MON1B: variants seen among roughly 807,000 people sequenced by gnomAD.
MON1B encodes vacuolar fusion protein MON1 homolog B.
Under a neutral mutation model 45.1 loss-of-function variants are expected in MON1B, and 26 were observed. That is an observed-to-expected ratio of 0.58 (90% CI 0.42 to 0.80). The LOEUF (loss-of-function observed/expected upper bound fraction) is 0.80. Among genes scored for constraint, MON1B ranks in the 30% least tolerant of loss-of-function variants. The probability of loss-of-function intolerance (pLI) is 0.00; values close to 1 mark genes in which losing one functional copy is unlikely to be tolerated. For missense variants in MON1B, 737 were observed against 754.5 expected (o/e 0.98, Z 0.27); for synonymous variants, 395 against 320.2 (o/e 1.23, Z -2.49).
In MON1B at chr16:77,194,440, A is replaced by G; in HGVS notation, c.581A>G (p.His194Arg). 1.2e-6 allele frequency: 2 copies of G among 1,614,034 alleles called. No individual in the cohort carries two copies. Among genetic ancestry groups the G allele is most frequent in the Non-Finnish European group, 1.7e-6 (2 of 1,180,004 alleles). Residue 194 changes from histidine to arginine, a missense_variant, in exon 4 of 6, where the codon CAC becomes CGC. His to Arg is a conservative substitution (Grantham distance 29). Transcript: ENST00000248248. The surrounding 1 kb of genome is among the most constrained non-coding windows in gnomAD (Gnocchi z 8.1). ...CTGCGGGGGGAGCTGCTAGCTGTGC[A>G]CGCACAGATCGTGAGCACACTTACA... ...AQLRGELLAV[H>R]AQIVSTLTRA...
At position 77,195,608 on chromosome 16, in the gene MON1B, G is replaced by C; in HGVS notation, c.1369G>C (p.Ala457Pro). ...RLSDLYHRLH[A>P]RLHSTSRPLR... ...GTCGGACCTGTACCACCGCCTGCAT[G>C]CTCGTCTCCACAGCACCTCCCGACC... The change falls in exon 5 of 6, where the codon GCT becomes CCT. Residue 457 changes from alanine (A) to proline (P), a missense_variant. Ala to Pro is a conservative substitution (Grantham distance 27). Transcript: ENST00000248248. 6.2e-7 allele frequency: 1 copy of C among 1,614,166 alleles called. No homozygotes were observed. The highest frequency in any genetic ancestry group is 8.5e-7 in the Non-Finnish European group (1 of 1,180,020).
intron 2 of MON1B, among the ~76,000 whole-genome samples, chr16:77,192,996 G>T (rs1426460009): frequency 6.6e-6 from 1 of 152,106 alleles, no homozygotes; most frequent in Non-Finnish European, 1.5e-5. Context: ...GGGGGTTGGG[G>T]CATTCAAACA....
chr16:77,201,114 C>G lies in MON1B; in HGVS notation c.*2806C>G, dbSNP rs1043597883. 1.3e-5 allele frequency: 2 copies of G among 152,162 alleles called. No individual in the cohort carries two copies. The highest frequency in any genetic ancestry group is 2.9e-5 in the Non-Finnish European group (2 of 68,034). 9.4% of individuals were successfully genotyped at this position (152,162 alleles called of 1,614,324 possible). A position where few individuals can be genotyped will look rare whatever the true frequency, so the allele number is the denominator to read the frequency against. On this transcript the variant is annotated 3_prime_UTR_variant, in exon 6 of 6. Transcript: ENST00000248248. ...AGACTGTTTACCTCTCGCTCCCCTG[C>G]ACCTAAAACAATGCCTGCTTGGTGT... is the stretch of plus-strand genomic sequence containing the variant.
Position 77,198,213 on chromosome 16 carries a change from G to A in MON1B, c.1549G>A (p.Asp517Asn), listed in dbSNP as rs1383447879. The A allele has an allele frequency of 1.2e-6, 2 of 1,613,980 alleles. No individual in the cohort carries two copies. The highest frequency in any genetic ancestry group is 1.1e-5 in the South Asian group (1 of 91,082). Residue 517 changes from aspartate (D) to asparagine (N), a missense_variant, in exon 6 of 6, where the codon GAC (aspartate) becomes AAC (asparagine). By Grantham distance (23) the Asp-to-Asn change is conservative (BLOSUM62 1). Transcript: ENST00000248248. ...CCTGCGCTGGGTGAAGAAAGAGGAGGACCGGCTCTTCATTCGTTACCCACC... is the reference window on the plus strand; with the variant it reads ...CCTGCGCTGGGTGAAGAAAGAGGAGAACCGGCTCTTCATTCGTTACCCACC... ...KLLRWVKKEE[D>N]RLFIRYPPKY... is the part of the protein sequence containing the mutation.
rs2054630135 is a variant in MON1B, at chr16:77,193,079, G to A, written c.149-372G>A. Among the ~76,000 whole-genome samples, 1 of 152,064 alleles carries A rather than the reference G, an allele frequency of 6.6e-6. No homozygotes were observed. Among genetic ancestry groups the A allele is most frequent in the South Asian group, 2.1e-4 (1 of 4,834 alleles). On this transcript the variant is annotated intron_variant, in intron 2 of 5. Coordinates refer to ENST00000248248, the MANE Select transcript of MON1B (RefSeq NM_014940.4). This position sits in a 1 kb window ranked among gnomAD's most constrained non-coding sequence, Gnocchi z 5.0. ...TCAGGAGAAAAAATAGCGGTCAGAG[G>A]AGTTAATGGGGGATCATTGAAGATG...
At position 77,194,391 on chromosome 16, in the gene MON1B, C is replaced by T. The variant is rs199760468; in HGVS notation, c.532C>T (p.Arg178Trp). 6.2e-6 allele frequency: 10 copies of T among 1,612,726 alleles called. No individual in the cohort carries two copies. The highest frequency in any genetic ancestry group is 2.2e-5 in the South Asian group (2 of 91,084). Reference protein sequence around the residue: ...QGPLLLVAMSRTSQSAAQLRG... With the variant: ...QGPLLLVAMSWTSQSAAQLRG... Reference sequence around the variant, plus strand: ...CCCACTGTTGCTCGTGGCCATGTCACGGACTTCTCAGTCAGCAGCCCAGCT... The same window carrying T: ...CCCACTGTTGCTCGTGGCCATGTCATGGACTTCTCAGTCAGCAGCCCAGCT... The change falls in exon 4 of 6, where the codon CGG becomes TGG. Residue 178 changes from arginine to tryptophan, a missense_variant. By Grantham distance (101) the Arg-to-Trp change is moderately radical (BLOSUM62 -3). Coordinates refer to ENST00000248248, the MANE Select transcript of MON1B (RefSeq NM_014940.4). The surrounding 1 kb of genome is among the most constrained non-coding windows in gnomAD (Gnocchi z 8.1).
chr16:77,195,834 A>C, intron 5 of MON1B, 152 bp downstream of exon 5: 1 of 907,936 alleles, frequency 1.1e-6, no homozygotes, highest in Non-Finnish European at 1.6e-6. Flanking sequence ...GCCTTTACAC[A>C]CACATCTTTG....
At chr16:77,196,299 ATT>A in intron 5 of MON1B, among the ~76,000 whole-genome samples, 1 of 152,264 alleles carries the variant, frequency 6.6e-6, no homozygotes, top group African/African-American at 2.4e-5. Context: ...TTGTTTTTAA[ATT>A]TTTTTAACTT....
chr16:77,197,172 C>T (rs997982754), intron 5 of MON1B, among the ~76,000 whole-genome samples: 2 of 151,800 alleles, frequency 1.3e-5, no homozygotes, highest in African/African-American at 4.8e-5. Context: ...GAGTGGGCGG[C>T]GAGTCACAAG....
intron 4 of MON1B, 133 bp downstream of exon 4, chr16:77,195,287 CTGA>C: frequency 9.4e-7 from 1 of 1,061,846 alleles, no homozygotes. Context: ...AAGTCTCTGT[CTGA>C]TGATGGAGCA....
At position 77,201,500 on chromosome 16, in the gene MON1B, G is replaced by T. The variant is rs1407456010; in HGVS notation, c.*3192G>T. 1 of 152,260 alleles carries T rather than the reference G, an allele frequency of 6.6e-6. No individual in the cohort carries two copies. Among genetic ancestry groups the T allele is most frequent in the East Asian group, 1.9e-4 (1 of 5,182 alleles). 9.4% of individuals were successfully genotyped at this position (152,260 alleles called of 1,614,324 possible). ...CTTGTAGAGAAACAGGCCTTTTCCT[G>T]CCTCAGGGAAGAGAGCTGACTCAAA... On this transcript the variant is annotated 3_prime_UTR_variant, in exon 6 of 6. Coordinates refer to ENST00000248248, the MANE Select transcript of MON1B (RefSeq NM_014940.4).
rs750507044 is a variant in MON1B, at chr16:77,194,973, G to A, written c.1114G>A (p.Asp372Asn). The A allele has an allele frequency of 3.1e-6, 5 of 1,613,740 alleles. No individual in the cohort carries two copies. In the South Asian group the frequency reaches 5.5e-5, roughly 18 times the overall value. Residue 372 changes from aspartate (D) to asparagine (N), a missense_variant, in exon 4 of 6, where the codon GAT becomes AAT. By Grantham distance (23) the Asp-to-Asn change is conservative (BLOSUM62 1). Transcript: ENST00000248248. This position sits in a 1 kb window ranked among gnomAD's most constrained non-coding sequence, Gnocchi z 8.1. ...AMAACRRLVE[D>N]GMHALGAMRA... Reference sequence around the variant, plus strand: ...GGCCGCCTGCCGGCGCCTGGTTGAAGATGGGATGCATGCCCTTGGTGCCAT... The same window carrying A: ...GGCCGCCTGCCGGCGCCTGGTTGAAAATGGGATGCATGCCCTTGGTGCCAT...
chr16:77,196,718 G>C (rs902800634), intron 5 of MON1B, among the ~76,000 whole-genome samples: 5 of 152,200 alleles, frequency 3.3e-5, no homozygotes, highest in African/African-American at 9.6e-5. Flanking sequence ...GGAGGTTGCC[G>C]TGAGCCAAGA....
At position 77,191,600 on chromosome 16, in the gene MON1B, C is replaced by A. The variant is rs777582897; in HGVS notation, c.115C>A (p.Pro39Thr). 7.5e-6 allele frequency: 12 copies of A among 1,610,372 alleles called. No individual in the cohort carries two copies. The East Asian group carries it at 2.7e-4, about 36-fold the overall frequency. The change falls in exon 2 of 6, where the codon CCG becomes ACG. Residue 39 changes from proline to threonine, a missense_variant. Coordinates refer to ENST00000248248, the MANE Select transcript of MON1B (RefSeq NM_014940.4). ...AGGTGGAGGGGTTCACGCGGTCCCG[C>A]CGGATCCCGAAGACGAGGGCCTGGA... ...REGGGVHAVPPDPEDEGLEET... is the reference protein window; with the variant it reads ...REGGGVHAVPTDPEDEGLEET...
In MON1B at chr16:77,199,462, A is replaced by G; in HGVS notation, c.*1154A>G. ...GCCCCGCGTTGGAAAATGGCGGGGA[A>G]GCTGAAACCTCTGAATGTGGAGGCG... On this transcript the variant is annotated 3_prime_UTR_variant, in exon 6 of 6. Transcript: ENST00000248248. 9 of 1,551,540 alleles carry G rather than the reference A, an allele frequency of 5.8e-6. No individual in the cohort carries two copies. Among genetic ancestry groups the G allele is most frequent in the East Asian group, 2.4e-5 (1 of 40,912 alleles).
rs2054747116 is a variant in MON1B, at chr16:77,201,856, A to G, written c.*3548A>G. On this transcript the variant is annotated 3_prime_UTR_variant, in exon 6 of 6. Coordinates refer to ENST00000248248, the MANE Select transcript of MON1B (RefSeq NM_014940.4). ...GTTGATAGGATTATTATTGACACAC[A>G]AGGAGCTCCAAAAGAGATCGTATTT... The G allele has an allele frequency of 6.6e-6, 1 of 152,180 alleles. No homozygotes were observed. The highest frequency in any genetic ancestry group is 1.5e-5 in the Non-Finnish European group (1 of 68,032). 9.4% of individuals were successfully genotyped at this position (152,180 alleles called of 1,614,324 possible). A position where few individuals can be genotyped will look rare whatever the true frequency, so the allele number is the denominator to read the frequency against.
intron 4 of MON1B, 146 bp from the exon 5 acceptor site, chr16:77,195,389 C>A: frequency 8.6e-7 from 1 of 1,158,858 alleles, no homozygotes; most frequent in Non-Finnish European, 1.2e-6. Flanking sequence ...GAGGGAAGGT[C>A]AGCCTCCAAC....
chr16:77,194,316 T>A lies in MON1B; in HGVS notation c.476-19T>A. 2 of 1,595,598 alleles carry A rather than the reference T, an allele frequency of 1.3e-6. No individual in the cohort carries two copies. Among genetic ancestry groups the A allele is most frequent in the Non-Finnish European group, 1.7e-6 (2 of 1,175,270 alleles). On this transcript the variant is annotated intron_variant, in intron 3 of 5. Transcript: ENST00000248248. The surrounding 1 kb of genome is among the most constrained non-coding windows in gnomAD (Gnocchi z 8.1). ...CCTGATCCAGCTGTACCCCCCCTTC[T>A]TACCCCTTCCTTCCCTAGAGGACCA...
chr16:77,191,521 C>T lies in MON1B; in HGVS notation c.36C>T (p.Pro12=), dbSNP rs753500332. The T allele has an allele frequency of 1.2e-6, 2 of 1,607,380 alleles. No individual in the cohort carries two copies. The highest frequency in any genetic ancestry group is 1.1e-5 in the South Asian group (1 of 90,490). The stretch of plus-strand genomic sequence containing the variant: ...GAGGAGACACTGCTGCCCCGGCCCC[C>T]GGGGGCGCGGAGGACTTGGAGGACA... ...EVGGDTAAPA[P]GGAEDLEDTQ... Residue 12 remains proline, a synonymous_variant, in exon 2 of 6, where the codon CCC becomes CCT. Coordinates refer to ENST00000248248, the MANE Select transcript of MON1B (RefSeq NM_014940.4).
Sources: gnomAD v4.1 joint callset for allele counts (sites outside exome capture counted in the v4.1 genomes callset) on GRCh38, gnomAD v4.1.1 for gene constraint, Gnocchi (gnomAD v3.1) non-coding constraint, MANE v1.5 for transcripts, NCBI Gene and HGNC (gene_info 2026-07-23, HGNC 2026-07-21) for gene names.